Variants in NTM observed in about 807,000 individuals in gnomAD.
NTM encodes the protein IgLON family member 2.
Under a neutral mutation model 42.1 loss-of-function variants are expected in NTM, and 13 were observed. That is an observed-to-expected ratio of 0.31 (90% CI 0.20 to 0.49). The LOEUF is 0.49. Ranked by LOEUF, NTM falls within the 20% of genes least tolerant of loss-of-function variation. The probability of loss-of-function intolerance (pLI) is 0.99; values close to 1 mark genes in which losing one functional copy is unlikely to be tolerated. For missense variants in NTM, 373 were observed against 452.8 expected (o/e 0.82, Z 1.60); for synonymous variants, 187 against 179.2 (o/e 1.04, Z -0.35).
intron 3 of NTM, among the ~76,000 whole-genome samples, chr11:132,161,150 T>A (rs893878176): frequency 6.6e-6 from 1 of 151,688 alleles, no homozygotes; most frequent in Admixed American, 6.6e-5. Context: ...TCAGCGGAGG[T>A]GAGGAGGAGT....
chr11:132,148,789 G>A (rs912022384), intron 3 of NTM, among the ~76,000 whole-genome samples: 1 of 152,108 alleles, frequency 6.6e-6, no homozygotes, highest in South Asian at 2.1e-4. Flanking sequence ...CAAGAGAGAC[G>A]GCTGGGTGTT....
At chr11:131,668,250 C>CTCTATCTA (rs10667464) in intron 1 of NTM, among the ~76,000 whole-genome samples, 2,965 of 147,716 alleles carry the variant, frequency 0.02, 35 homozygotes, top group South Asian at 0.024. Context: ...GTATATCTAC[C>CTCTATCTA]TCTATCTATC....
At chr11:131,504,614 GCT>G (rs2047256775) in intron 1 of NTM, among the ~76,000 whole-genome samples, 1 of 152,126 alleles carries the variant, frequency 6.6e-6, no homozygotes. Flanking sequence ...GTGTGCTGCT[GCT>G]CTGTTTGTCT....
intron 1 of NTM, among the ~76,000 whole-genome samples, chr11:131,643,472 C>T (rs751049288): frequency 3.9e-5 from 6 of 152,200 alleles, no homozygotes; most frequent in African/African-American, 4.8e-5. Flanking sequence ...CATTAAGGCC[C>T]CTTCCTCAAG....
At chr11:131,867,006 A>C (rs2047288098) in intron 1 of NTM, among the ~76,000 whole-genome samples, 1 of 152,016 alleles carries the variant, frequency 6.6e-6, no homozygotes, top group Admixed American at 6.6e-5. Context: ...GAGGTGGGGG[A>C]AGGGGGCACT....
chr11:132,320,516 G>C (rs570239927), intron 7 of NTM, among the ~76,000 whole-genome samples: 3 of 152,304 alleles, frequency 2.0e-5, no homozygotes, highest in African/African-American at 4.8e-5. Flanking sequence ...CAGCTGGCTC[G>C]GAGGGTCCTA....
chr11:131,522,837 T>TA (rs1165764685), intron 1 of NTM, among the ~76,000 whole-genome samples: 1 of 152,212 alleles, frequency 6.6e-6, no homozygotes, highest in African/African-American at 2.4e-5. Context: ...TGCTGCACGT[T>TA]AAAATCACTT....
intron 1 of NTM, chr11:131,910,956 A>G (rs2054785713): frequency 8.1e-6 from 8 of 989,296 alleles, no homozygotes; most frequent in Non-Finnish European, 9.6e-6. Flanking sequence ...TCCACTTCCC[A>G]TCTGCTATTG....
intron 7 of NTM, among the ~76,000 whole-genome samples, chr11:132,326,283 C>T (rs568591782): frequency 6.6e-6 from 1 of 152,240 alleles, no homozygotes; most frequent in Admixed American, 6.5e-5. Flanking sequence ...CGAGCTAGTT[C>T]TGACCACTGA....
At chr11:131,649,417 G>A (rs565093475) in intron 1 of NTM, among the ~76,000 whole-genome samples, 11 of 152,290 alleles carry the variant, frequency 7.2e-5, no homozygotes, top group East Asian at 3.9e-4. Flanking sequence ...TGGTCTGAAC[G>A]TTCCCAAGGC....
At chr11:131,985,908 TGAGTGTTCCAC>T (rs2065997066) in intron 2 of NTM, among the ~76,000 whole-genome samples, 1 of 152,216 alleles carries the variant, frequency 6.6e-6, no homozygotes, top group African/African-American at 2.4e-5. Context: ...CAGCACATAG[TGAGTGTTCCAC>T]GAGTGTTTGC....
At chr11:131,418,029 G>C (rs1256416511) in intron 1 of NTM, among the ~76,000 whole-genome samples, 1 of 152,272 alleles carries the variant, frequency 6.6e-6, no homozygotes, top group Non-Finnish European at 1.5e-5. Flanking sequence ...CAGACAACTG[G>C]CTGAACAGGA....
intron 1 of NTM, among the ~76,000 whole-genome samples, chr11:131,863,349 T>A (rs767819926): frequency 4.6e-5 from 7 of 152,210 alleles, no homozygotes; most frequent in Non-Finnish European, 7.3e-5. Context: ...GGTGTCTCCA[T>A]GTCCTTTTTC....
At chr11:131,623,777 G>A (rs779785028) in intron 1 of NTM, among the ~76,000 whole-genome samples, 3 of 152,238 alleles carry the variant, frequency 2.0e-5, no homozygotes, top group Non-Finnish European at 4.4e-5. Flanking sequence ...AGCACCCAAT[G>A]TGTAGGCTGG....
At chr11:132,227,607 T>C (rs1416792456) in intron 4 of NTM, among the ~76,000 whole-genome samples, 1 of 152,094 alleles carries the variant, frequency 6.6e-6, no homozygotes, top group East Asian at 1.9e-4. Context: ...TCAAATAAAA[T>C]AGGGGAAAGA....
chr11:131,645,227 G>A (rs1279152169), intron 1 of NTM, among the ~76,000 whole-genome samples: 1 of 152,200 alleles, frequency 6.6e-6, no homozygotes, highest in African/African-American at 2.4e-5. Context: ...GAAAGCAGCA[G>A]GGTTTAGTTT....
chr11:131,828,323 A>G (rs755890691), intron 1 of NTM, among the ~76,000 whole-genome samples: 1 of 152,064 alleles, frequency 6.6e-6, no homozygotes, highest in African/African-American at 2.4e-5. Context: ...CGCCTTCACC[A>G]TTATTGCCAA....
chr11:132,280,777 C>G (rs903475277), intron 4 of NTM, among the ~76,000 whole-genome samples: 4 of 152,220 alleles, frequency 2.6e-5, no homozygotes, highest in African/African-American at 9.6e-5. Context: ...TGAGTCACCA[C>G]CCCTGGCCTC....
chr11:132,051,899 T>C (rs2078907239), intron 2 of NTM, among the ~76,000 whole-genome samples: 1 of 152,332 alleles, frequency 6.6e-6, no homozygotes, highest in South Asian at 2.1e-4. Context: ...GATCCAGTTC[T>C]GTGGAAGCTG....
Sources: allele counts gnomAD v4.1 joint callset (sites outside exome capture counted in the v4.1 genomes callset), GRCh38; gene constraint gnomAD v4.1.1; transcripts MANE v1.5; gene names NCBI Gene and HGNC (gene_info 2026-07-23, HGNC 2026-07-21).